Variants in KCNIP4 observed in about 807,000 individuals in gnomAD.
KCNIP4 encodes the protein Kv channel-interacting protein 4.
A neutral mutation model predicts 34.0 loss-of-function variants in KCNIP4; 12 were observed. The ratio of observed to expected loss-of-function variants is 0.35; its 90% CI spans 0.23 to 0.57. The LOEUF (loss-of-function observed/expected upper bound fraction) is 0.57, where lower values mean the gene tolerates loss of function less well. Ranked by LOEUF, KCNIP4 falls within the 20% of genes least tolerant of loss-of-function variation. The pLI, the probability that KCNIP4 is intolerant of heterozygous loss-of-function variation, is 0.83. For missense variants in KCNIP4, 238 were observed against 311.7 expected (o/e 0.76, Z 1.78); for synonymous variants, 124 against 102.2 (o/e 1.21, Z -1.29).
At chr4:21,789,160 C>T (rs1240156704) in intron 1 of KCNIP4, among the ~76,000 whole-genome samples, 1 of 150,666 alleles carries the variant, frequency 6.6e-6, no homozygotes, top group African/African-American at 2.4e-5. Flanking sequence ...GGTATTACAA[C>T]TCACACTCAA....
At chr4:21,484,353 G>T (rs867053769) in intron 1 of KCNIP4, among the ~76,000 whole-genome samples, 5 of 152,034 alleles carry the variant, frequency 3.3e-5, no homozygotes, top group African/African-American at 1.2e-4. Flanking sequence ...ATTGAACCTG[G>T]GAGGTGGAGG....
intron 3 of KCNIP4, among the ~76,000 whole-genome samples, chr4:20,846,313 A>T (rs1720366008): frequency 6.6e-6 from 1 of 152,208 alleles, no homozygotes; most frequent in East Asian, 1.9e-4. Flanking sequence ...GTTATATATT[A>T]TTAATTAATG....
At chr4:21,126,520 T>A (rs1750622299) in intron 1 of KCNIP4, among the ~76,000 whole-genome samples, 1 of 150,954 alleles carries the variant, frequency 6.6e-6, no homozygotes, top group African/African-American at 2.4e-5. Context: ...CCATTGTGTA[T>A]CTGACTCTAA....
At chr4:20,763,081 G>GCT (rs1478005379) in intron 3 of KCNIP4, among the ~76,000 whole-genome samples, 1 of 152,096 alleles carries the variant, frequency 6.6e-6, no homozygotes, top group Non-Finnish European at 1.5e-5. Flanking sequence ...TACTCCACCT[G>GCT]CTCTCTCCCT....
intron 1 of KCNIP4, among the ~76,000 whole-genome samples, chr4:21,894,334 CAAATAAAT>C (rs71655673): frequency 4.0e-5 from 6 of 150,908 alleles, no homozygotes; most frequent in Admixed American, 1.3e-4. Flanking sequence ...GACCCAGTCT[CAAATAAAT>C]AAATAAATAA....
intron 1 of KCNIP4, among the ~76,000 whole-genome samples, chr4:21,199,036 G>T (rs972593776): frequency 6.6e-6 from 1 of 152,056 alleles, no homozygotes; most frequent in Non-Finnish European, 1.5e-5. Context: ...ATCTGGTGCT[G>T]TCCTTTCTCT....
chr4:21,070,666 T>A (rs1744815689), intron 1 of KCNIP4, among the ~76,000 whole-genome samples: 1 of 63,112 alleles, frequency 1.6e-5, no homozygotes, highest in African/African-American at 7.7e-5. Flanking sequence ...TTTTGAGATT[T>A]TTTTTTTTTT....
intron 3 of KCNIP4, among the ~76,000 whole-genome samples, chr4:20,772,923 C>T (rs931662714): frequency 6.6e-6 from 1 of 151,340 alleles, no homozygotes; most frequent in African/African-American, 2.4e-5. Flanking sequence ...CGTCAGCCAC[C>T]ACACCCGGCC....
At chr4:21,062,897 C>T (rs1207263023) in intron 1 of KCNIP4, among the ~76,000 whole-genome samples, 2 of 152,142 alleles carry the variant, frequency 1.3e-5, no homozygotes, top group Non-Finnish European at 1.5e-5. Context: ...CTGTTTTGCT[C>T]AGCCTACTGA....
chr4:21,785,684 C>T (rs1434501418), intron 1 of KCNIP4, among the ~76,000 whole-genome samples: 1 of 152,130 alleles, frequency 6.6e-6, no homozygotes, highest in East Asian at 1.9e-4. Context: ...ATTCGCTAAC[C>T]TATTCAGTTT....
intron 1 of KCNIP4, among the ~76,000 whole-genome samples, chr4:21,072,668 T>C (rs1235887739): frequency 6.6e-6 from 1 of 152,172 alleles, no homozygotes. Flanking sequence ...CATTTGTCAA[T>C]TTTGGTTTTT....
chr4:21,452,151 T>C (rs1210252141), intron 1 of KCNIP4, among the ~76,000 whole-genome samples: 1 of 152,046 alleles, frequency 6.6e-6, no homozygotes, highest in South Asian at 2.1e-4. Flanking sequence ...CTACACAAGA[T>C]GATAATAAGC....
At chr4:20,780,152 G>A (rs1756745060) in intron 3 of KCNIP4, among the ~76,000 whole-genome samples, 1 of 152,182 alleles carries the variant, frequency 6.6e-6, no homozygotes. Context: ...GATCCCAAAG[G>A]TCTTGCTTGC....
At chr4:21,647,035 A>T (rs940817230) in intron 1 of KCNIP4, among the ~76,000 whole-genome samples, 1 of 152,170 alleles carries the variant, frequency 6.6e-6, no homozygotes, top group Admixed American at 6.5e-5. Context: ...TTGAAAGTGA[A>T]TAGAATGGTG....
intron 1 of KCNIP4, among the ~76,000 whole-genome samples, chr4:21,680,572 A>C (rs781556906): frequency 6.6e-6 from 1 of 152,216 alleles, no homozygotes; most frequent in Non-Finnish European, 1.5e-5. Context: ...TATCTATGAC[A>C]GTTATAGCCT....
At chr4:20,820,006 G>A (rs1716907328) in intron 3 of KCNIP4, among the ~76,000 whole-genome samples, 1 of 152,196 alleles carries the variant, frequency 6.6e-6, no homozygotes, top group South Asian at 2.1e-4. Flanking sequence ...GTGGGGTGTT[G>A]CTGTTAACAA....
chr4:21,288,524 C>A (rs1369321497), intron 1 of KCNIP4, among the ~76,000 whole-genome samples: 1 of 152,104 alleles, frequency 6.6e-6, no homozygotes, highest in East Asian at 1.9e-4. Context: ...TTGAGCCAGA[C>A]ACTGCAGGTG....
At chr4:21,621,633 G>A (rs1745004082) in intron 1 of KCNIP4, among the ~76,000 whole-genome samples, 1 of 152,070 alleles carries the variant, frequency 6.6e-6, no homozygotes, top group Non-Finnish European at 1.5e-5. Context: ...GCTGGAATTA[G>A]AGGCACGAGC....
At chr4:20,884,410 CCT>C (rs1725052932) in intron 1 of KCNIP4, among the ~76,000 whole-genome samples, 1 of 151,896 alleles carries the variant, frequency 6.6e-6, no homozygotes. Context: ...ACCCCCACCC[CCT>C]GACAGACCCC....
Sources: allele counts gnomAD v4.1 joint callset (sites outside exome capture counted in the v4.1 genomes callset), GRCh38; gene constraint gnomAD v4.1.1; transcripts MANE v1.5; gene names NCBI Gene and HGNC (gene_info 2026-07-23, HGNC 2026-07-21).